Variants in ANK2 observed in about 807,000 individuals in gnomAD.
The protein encoded by ANK2 is ankyrin 2.
ANK2 carries 83 observed loss-of-function variants against 360.5 expected under a neutral mutation model. That is an observed-to-expected ratio of 0.23 (90% confidence interval 0.19 to 0.28). ANK2 has a LOEUF of 0.28. Among genes scored for constraint, ANK2 ranks in the 10% least tolerant of loss-of-function variants. The pLI is 1.00. For synonymous variants in ANK2, 1,740 were observed against 1,759.5 expected (o/e 0.99, Z 0.28); for missense variants, 4,201 against 4,795.7 (o/e 0.88, Z 3.66).
At chr4:113,084,715 A>G (rs2083818715) in intron 1 of ANK2, among the ~76,000 whole-genome samples, 1 of 152,242 alleles carries the variant, frequency 6.6e-6, no homozygotes, top group African/African-American at 2.4e-5. Flanking sequence ...ACTGCTAAGC[A>G]AGATGATTTT....
At chr4:113,109,365 C>G (rs1334777237) in intron 1 of ANK2, among the ~76,000 whole-genome samples, 2 of 152,172 alleles carry the variant, frequency 1.3e-5, no homozygotes, top group African/African-American at 4.8e-5. Context: ...TTTGTGGTCA[C>G]AAGTGACTTG....
intron 2 of ANK2, among the ~76,000 whole-genome samples, chr4:113,032,045 C>G (rs951526744): frequency 6.6e-5 from 10 of 152,028 alleles, no homozygotes; most frequent in African/African-American, 2.4e-4. Context: ...AAGAACTTCT[C>G]AAACCCAAAC....
Position 113,353,063 on chromosome 4 carries a change from C to G in ANK2, c.4445C>G (p.Thr1482Arg). 6.2e-7 allele frequency: 1 copy of G among 1,613,672 alleles called. No individual in the cohort carries two copies. Among genetic ancestry groups the G allele is most frequent in the Non-Finnish European group, 8.5e-7 (1 of 1,179,720 alleles). Residue 1482 changes from threonine (T) to arginine (R), a missense_variant, in exon 38 of 46, where the codon ACA becomes AGA. Physicochemically the swap from Thr to Arg is moderately conservative, Grantham distance 71. Transcript: ENST00000357077. The part of the protein sequence containing the change: ...TSEKNDETES[T>R]ETSVLKSHLV... Reference sequence around the variant, plus strand: ...ATCAAAGATGATGAGACAGAATCTACAGAAACATCTGTCCTGAAAAGTCAC... The same window carrying G: ...ATCAAAGATGATGAGACAGAATCTAGAGAAACATCTGTCCTGAAAAGTCAC...
chr4:113,238,319 ACAAACTAAC>A (rs2099399979), intron 7 of ANK2, among the ~76,000 whole-genome samples: 1 of 152,182 alleles, frequency 6.6e-6, no homozygotes, highest in South Asian at 2.1e-4. Context: ...TGTATATTAT[ACAAACTAAC>A]CTATACTCAA....
At chr4:112,974,201 C>G (rs1464824815) in intron 2 of ANK2, among the ~76,000 whole-genome samples, 1 of 152,170 alleles carries the variant, frequency 6.6e-6, no homozygotes, top group Non-Finnish European at 1.5e-5. Context: ...TGAACCTTCT[C>G]AGTCTCTAGA....
chr4:113,367,475 A>ATT (rs979222562), intron 41 of ANK2, 91 bp from the exon 42 acceptor site: 1 of 1,250,162 alleles, frequency 8.0e-7, no homozygotes, highest in South Asian at 1.3e-5. Context: ...TTATCTTCTT[A>ATT]TTTTTTTTAT....
At chr4:112,769,656 C>A in the ANK2 span, among the ~76,000 whole-genome samples, 1 of 152,110 alleles carries the variant, frequency 6.6e-6, no homozygotes, top group Non-Finnish European at 1.5e-5. Flanking sequence ...CCAAGGAGTG[C>A]CCAGGTTAAA....
the ANK2 span, chr4:112,755,874 G>T: frequency 0.011 from 1,725 of 152,582 alleles, 18 homozygotes; most frequent in Middle Eastern, 0.047. Flanking sequence ...TCTGTAACTG[G>T]TTATAATCAA....
chr4:113,334,331 T>A (rs2093111688), intron 29 of ANK2, among the ~76,000 whole-genome samples: 1 of 152,162 alleles, frequency 6.6e-6, no homozygotes, highest in South Asian at 2.1e-4. Context: ...AATTGTTCCC[T>A]ACAATATTTA....
chr4:112,722,756 A>G, the ANK2 span, among the ~76,000 whole-genome samples: 1 of 152,112 alleles, frequency 6.6e-6, no homozygotes, highest in South Asian at 2.1e-4. Flanking sequence ...CTTTCTTCTA[A>G]TTATTAGAAC....
chr4:113,341,506 C>T (rs1437348901), intron 32 of ANK2, among the ~76,000 whole-genome samples, 182 bp from the exon 33 acceptor site: 3 of 152,154 alleles, frequency 2.0e-5, no homozygotes, highest in African/African-American at 7.2e-5. Context: ...TTTCCTCCTA[C>T]CTTTCCTTTT....
chr4:112,843,211 G>A (rs1258697541), intron 1 of ANK2, among the ~76,000 whole-genome samples: 1 of 152,224 alleles, frequency 6.6e-6, no homozygotes, highest in African/African-American at 2.4e-5. Flanking sequence ...TGATGGACAT[G>A]TTTGAGGAGT....
intron 1 of ANK2, among the ~76,000 whole-genome samples, chr4:113,134,775 T>C (rs2096288898): frequency 6.6e-6 from 1 of 152,226 alleles, no homozygotes. Context: ...GACATACTTC[T>C]TGGTCTACTA....
chr4:113,274,358 T>G, intron 14 of ANK2, 94 bp from the exon 15 acceptor site: 2 of 1,390,846 alleles, frequency 1.4e-6, no homozygotes, highest in Middle Eastern at 2.0e-4. Context: ...TTCCTAGAGA[T>G]TCCAAGAAGA....
intron 1 of ANK2, among the ~76,000 whole-genome samples, chr4:113,096,390 G>T (rs2091031984): frequency 6.6e-6 from 1 of 152,104 alleles, no homozygotes; most frequent in Admixed American, 6.6e-5. Context: ...GTAACCTGGG[G>T]CTGGTAAGGC....
intron 4 of ANK2, among the ~76,000 whole-genome samples, chr4:113,228,807 C>G (rs953242926): frequency 6.6e-6 from 1 of 152,252 alleles, no homozygotes; most frequent in Non-Finnish European, 1.5e-5. Context: ...AAAAGAGGCC[C>G]GCTTGCAATA....
Position 113,353,908 on chromosome 4 carries a change from G to C in ANK2, c.5290G>C (p.Gly1764Arg). The C allele has an allele frequency of 6.2e-7, 1 of 1,614,070 alleles. No individual in the cohort carries two copies. Residue 1764 changes from glycine to arginine, a missense_variant, in exon 38 of 46, where the codon GGT (glycine) becomes CGT (arginine). This residue lies in a region of ANK2 where 2,642 missense variants were observed against 2,714.5 expected (regional missense o/e 0.97). Coordinates refer to ENST00000357077, the MANE Select transcript of ANK2 (RefSeq NM_001148.6). ...TSPLIEETPIGSIKDKVKALQ... is the reference protein window; with the variant it reads ...TSPLIEETPIRSIKDKVKALQ... ...TCCTTTGATAGAAGAAACTCCCATT[G>C]GTTCCATAAAGGACAAAGTAAAGGC...
At chr4:112,981,603 A>G (rs933198227) in intron 2 of ANK2, among the ~76,000 whole-genome samples, 1 of 152,234 alleles carries the variant, frequency 6.6e-6, no homozygotes, top group Non-Finnish European at 1.5e-5. Context: ...TAACAGGTGT[A>G]ATAAAATCAG....
In ANK2 at chr4:113,356,727, C is replaced by T; in HGVS notation, c.8109C>T (p.Ser2703=). Residue 2703 remains serine (S), a synonymous_variant, in exon 38 of 46, where the codon TCC becomes TCT. Transcript: ENST00000357077. ...SPLPSSMDSN[S]SPEEVQFQPV... is the part of the protein sequence containing the mutation. ...TTCCATCAAGCATGGACTCCAATTC[C>T]AGTCCAGAAGAAGTACAATTCCAGC... 1 of 1,614,138 alleles carries T rather than the reference C, an allele frequency of 6.2e-7. No homozygotes were observed. Among genetic ancestry groups the T allele is most frequent in the Non-Finnish European group, 8.5e-7 (1 of 1,179,978 alleles).
Sources: gnomAD v4.1 joint callset for allele counts (sites outside exome capture counted in the v4.1 genomes callset) on GRCh38, gnomAD v4.1.1 for gene constraint, gnomAD v4.1.1 regional missense constraint, MANE v1.5 for transcripts, NCBI Gene and HGNC (gene_info 2026-07-23, HGNC 2026-07-21) for gene names.